KIF13A: variants seen among roughly 807,000 people sequenced by gnomAD.
KIF13A encodes kinesin-like protein KIF13A.
A neutral mutation model predicts 212.2 loss-of-function variants in KIF13A; 79 were observed. The observed-to-expected ratio is 0.37, with a 90% CI of 0.31 to 0.45. The LOEUF (loss-of-function observed/expected upper bound fraction) is 0.45. Among genes scored for constraint, KIF13A ranks in the 20% least tolerant of loss-of-function variants. The pLI is 1.00. For missense variants in KIF13A, 1,901 were observed against 2,209.0 expected, an observed-to-expected ratio of 0.86 and a Z score of 2.79; for synonymous variants, 789 against 808.6, an observed-to-expected ratio of 0.98 and a Z score of 0.41.
downstream of KIF13A, chr6:17,760,704 T>G (rs961511130): frequency 1.5e-6 from 1 of 664,844 alleles, no homozygotes; most frequent in Non-Finnish European, 2.7e-6. Flanking sequence ...GGAAAGGAGG[T>G]GGCCCAGGAA....
chr6:17,913,196 A>G (rs1372615520), intron 2 of KIF13A, among the ~76,000 whole-genome samples: 1 of 136,632 alleles, frequency 7.3e-6, no homozygotes, highest in Admixed American at 7.6e-5. Flanking sequence ...CAGAATAGCA[A>G]AGGGCAGGCA....
rs1420933546 is a variant in KIF13A at position 17,961,507 on chromosome 6, CAACT to C, written c.146+25543_146+25546del. ...TCAAATTGAACTTTTAATATTTTAC[CAACT>C]GACTACCATAAATTTGACATTAAAC... On this transcript the variant is annotated intron_variant, in intron 2 of 38. Coordinates refer to ENST00000259711, the MANE Select transcript of KIF13A (RefSeq NM_022113.6). The surrounding 1 kb of genome is among the most constrained non-coding windows in gnomAD (Gnocchi z 4.1). Among the ~76,000 whole-genome samples, 1 of 152,068 alleles carries C rather than the reference CAACT, an allele frequency of 6.6e-6. No homozygotes were observed. Among genetic ancestry groups the C allele is most frequent in the Non-Finnish European group, 1.5e-5 (1 of 68,016 alleles).
intron 2 of KIF13A, among the ~76,000 whole-genome samples, chr6:17,935,781 T>C (rs1430010825): frequency 6.6e-6 from 1 of 152,222 alleles, no homozygotes; most frequent in African/African-American, 2.4e-5. Context: ...AACTCAAAAG[T>C]TGATGTACAC....
chr6:17,807,280 T>C (rs1162557748), intron 18 of KIF13A, among the ~76,000 whole-genome samples: 2 of 152,100 alleles, frequency 1.3e-5, no homozygotes, highest in African/African-American at 2.4e-5. Flanking sequence ...TAAACAGACA[T>C]GCAAGTAGGA....
At chr6:17,911,052 C>T (rs775624205) in intron 2 of KIF13A, among the ~76,000 whole-genome samples, 1 of 152,188 alleles carries the variant, frequency 6.6e-6, no homozygotes, top group Non-Finnish European at 1.5e-5. Flanking sequence ...CATGAGCCAC[C>T]GCGCCCAGCC....
chr6:17,902,842 G>A (rs556405284), intron 2 of KIF13A, among the ~76,000 whole-genome samples: 49 of 152,298 alleles, frequency 3.2e-4, no homozygotes, highest in African/African-American at 1.0e-3. Flanking sequence ...GCCAGGTCAC[G>A]TGGTATATAA....
At chr6:17,927,641 C>G (rs187006054) in intron 2 of KIF13A, among the ~76,000 whole-genome samples, 5 of 152,186 alleles carry the variant, frequency 3.3e-5, no homozygotes, top group African/African-American at 1.2e-4. Context: ...CTGAATTGTA[C>G]ACTTTTAAAC....
intron 2 of KIF13A, among the ~76,000 whole-genome samples, chr6:17,975,618 T>C (rs12195813): frequency 0.1 from 15,694 of 152,258 alleles, 1,048 homozygotes; most frequent in East Asian, 0.18. Flanking sequence ...CCTGCTTTTA[T>C]TCTCTTATCT....
Position 17,926,377 on chromosome 6 carries a change from C to T in KIF13A, c.147-28197G>A, listed in dbSNP as rs2150528707. ...TCTCCCGAGTAGCTGGGATAACAGG[C>T]ACGCACCACCACACCCGGCTAATTT... On this transcript the variant is annotated intron_variant, in intron 2 of 38. Transcript: ENST00000259711. The surrounding 1 kb of genome is among the most constrained non-coding windows in gnomAD (Gnocchi z 4.3). Among the ~76,000 whole-genome samples, 1 of 152,200 alleles carries T rather than the reference C, an allele frequency of 6.6e-6. No individual in the cohort carries two copies. Among genetic ancestry groups the T allele is most frequent in the East Asian group, 1.9e-4 (1 of 5,172 alleles).
At position 17,951,413 on chromosome 6, in the gene KIF13A, G is replaced by T; in HGVS notation, c.146+35641C>A. The stretch of plus-strand genomic sequence containing the variant: ...CCCAAAGTGCTGGAATTAGAGATGT[G>T]AGCCACTGTGACCAGCCTCAATTTA... On this transcript the variant is annotated intron_variant, in intron 2 of 38. Coordinates refer to ENST00000259711, the MANE Select transcript of KIF13A (RefSeq NM_022113.6). This position sits in a 1 kb window ranked among gnomAD's most constrained non-coding sequence, Gnocchi z 4.9. 3.4e-6 allele frequency: 2 copies of T among 589,740 alleles called. No individual in the cohort carries two copies. The highest frequency in any genetic ancestry group is 4.0e-5 in the South Asian group (2 of 49,488). 36.5% of individuals were successfully genotyped at this position (589,740 alleles called of 1,614,324 possible). A position where few individuals can be genotyped will look rare whatever the true frequency, so the allele number is the denominator to read the frequency against.
intron 35 of KIF13A, among the ~76,000 whole-genome samples, 157 bp downstream of exon 35, chr6:17,774,858 A>G (rs1759803793): frequency 6.6e-6 from 1 of 151,666 alleles, no homozygotes; most frequent in African/African-American, 2.4e-5. Context: ...TTATTTGCTT[A>G]CAATTAAGAT....
At chr6:17,763,197 A>T (rs1424810159), downstream of KIF13A, among the ~76,000 whole-genome samples, 6 of 152,248 alleles carry the variant, frequency 3.9e-5, no homozygotes, top group African/African-American at 1.2e-4. Flanking sequence ...AAAATTAACC[A>T]ATATTAGTCA....
In KIF13A at chr6:17,934,942, T is replaced by C. The variant is rs1424802030; in HGVS notation, c.147-36762A>G. ...CTTTACCTTGCAGTGAGGCAGATCC[T>C]GTATTGATTTATTACTGCAATACCT... On this transcript the variant is annotated intron_variant, in intron 2 of 38. Coordinates refer to ENST00000259711, the MANE Select transcript of KIF13A (RefSeq NM_022113.6). This position sits in a 1 kb window ranked among gnomAD's most constrained non-coding sequence, Gnocchi z 5.4. 1.3e-5 allele frequency among the ~76,000 whole-genome samples: 2 copies of C among 152,250 alleles called. No individual in the cohort carries two copies. Among genetic ancestry groups the C allele is most frequent in the African/African-American group, 4.8e-5 (2 of 41,462 alleles).
At chr6:17,924,310 T>C (rs560478382) in intron 2 of KIF13A, among the ~76,000 whole-genome samples, 178 of 152,322 alleles carry the variant, frequency 1.2e-3, no homozygotes, top group Non-Finnish European at 2.2e-3. Flanking sequence ...CTGGTGACAA[T>C]AGACATTTTA....
rs966221560 is a variant in KIF13A at position 17,799,105 on chromosome 6, A to G, written c.2790+161T>C. Reference sequence around the variant, plus strand: ...AGATCTTTTAGATTTTATTTTAAATATTTCTAAACTATTTGCATTTGTAAT... The same window carrying G: ...AGATCTTTTAGATTTTATTTTAAATGTTTCTAAACTATTTGCATTTGTAAT... On this transcript the variant is annotated intron_variant, in intron 22 of 38. Transcript: ENST00000259711. This position sits in a 1 kb window ranked among gnomAD's most constrained non-coding sequence, Gnocchi z 4.4. Among the ~76,000 whole-genome samples, 5 of 152,230 alleles carry G rather than the reference A, an allele frequency of 3.3e-5. No homozygotes were observed. The highest frequency in any genetic ancestry group is 2.1e-4 in the South Asian group (1 of 4,836).
rs769239131 is a variant in KIF13A, at chr6:17,934,183, C to T, written c.147-36003G>A. Among the ~76,000 whole-genome samples, 25 of 152,232 alleles carry T rather than the reference C, an allele frequency of 1.6e-4. No homozygotes were observed. The highest frequency in any genetic ancestry group is 4.6e-4 in the Admixed American group (7 of 15,284). On this transcript the variant is annotated intron_variant, in intron 2 of 38. Coordinates refer to ENST00000259711, the MANE Select transcript of KIF13A (RefSeq NM_022113.6). The surrounding 1 kb of genome is among the most constrained non-coding windows in gnomAD (Gnocchi z 5.4). ...AGTTTCTTCGTAATTACAAAAGGCACCTCTTTCCATCTCTCACACTACTGT... is the reference window on the plus strand; with the variant it reads ...AGTTTCTTCGTAATTACAAAAGGCATCTCTTTCCATCTCTCACACTACTGT...
rs201272106 is a variant in KIF13A at position 17,779,740 on chromosome 6, G to GTTTTTT, written c.3847-57_3847-56insAAAAAA. On this transcript the variant is annotated intron_variant, in intron 31 of 38. Coordinates refer to ENST00000259711, the MANE Select transcript of KIF13A (RefSeq NM_022113.6). Reference sequence around the variant, plus strand: ...CTATGTGACAAATGTAAGTTATTTTGTATTTTTTTTTTTTTTTTTGAGATG... The same window carrying GTTTTTT: ...CTATGTGACAAATGTAAGTTATTTTGTTTTTTTATTTTTTTTTTTTTTTTTGAGATG... 8.8e-5 allele frequency: 42 copies of GTTTTTT among 478,922 alleles called. 1 individual carries two copies. The highest frequency in any genetic ancestry group is 1.3e-4 in the Admixed American group (3 of 23,920). The allele number at this position is 478,922 out of a possible 1,614,324, so 29.7% of individuals were successfully genotyped here.
chr6:17,896,325 A>T (rs1393672917), intron 3 of KIF13A, among the ~76,000 whole-genome samples: 1 of 145,136 alleles, frequency 6.9e-6, no homozygotes, highest in East Asian at 2.1e-4. Context: ...TATTTGTTAA[A>T]TCGAAACAAC....
intron 9 of KIF13A, among the ~76,000 whole-genome samples, chr6:17,847,734 G>C (rs114340639): frequency 0.012 from 1,851 of 152,212 alleles, 44 homozygotes; most frequent in African/African-American, 0.042. Context: ...TTTATTCACT[G>C]CATACTAAGT....
Sources: gnomAD v4.1 joint callset for allele counts (sites outside exome capture counted in the v4.1 genomes callset) on GRCh38, gnomAD v4.1.1 for gene constraint, Gnocchi (gnomAD v3.1) non-coding constraint, MANE v1.5 for transcripts, NCBI Gene and HGNC (gene_info 2026-07-23, HGNC 2026-07-21) for gene names.